Variants in FAF1 observed in about 807,000 individuals in gnomAD.
The protein encoded by FAF1 is FAS-associated factor 1.
In FAF1, 25 loss-of-function variants were observed where a neutral mutation model predicts 92.5. That is an observed-to-expected ratio of 0.27 (90% CI 0.20 to 0.38). FAF1 has a LOEUF of 0.38. FAF1 is among the 10% of genes least tolerant of loss of function. The pLI, the probability that FAF1 is intolerant of heterozygous loss-of-function variation, is 1.00. For missense variants in FAF1, 636 were observed against 793.3 expected, an observed-to-expected ratio of 0.80 and a Z score of 2.38; for synonymous variants, 234 against 273.2, an observed-to-expected ratio of 0.86 and a Z score of 1.42.
chr1:50,872,736 A>G (rs1002338609), intron 1 of FAF1, among the ~76,000 whole-genome samples: 1 of 152,008 alleles, frequency 6.6e-6, no homozygotes, highest in African/African-American at 2.4e-5. Context: ...ATCTCTACTA[A>G]AAATACAAAA....
intron 8 of FAF1, among the ~76,000 whole-genome samples, chr1:50,614,179 A>G (rs764476722): frequency 1.3e-5 from 2 of 152,154 alleles, no homozygotes; most frequent in Admixed American, 6.5e-5. Context: ...TTTCAAAAAT[A>G]TTTTGGCACA....
intron 15 of FAF1, 21 bp downstream of exon 15, chr1:50,535,348 T>C (rs748274334): frequency 2.0e-6 from 3 of 1,496,810 alleles, no homozygotes; most frequent in Non-Finnish European, 2.8e-6. Flanking sequence ...AAAATCCTAT[T>C]AAAGATCTGC....
At chr1:50,561,415 A>G (rs1302207817) in intron 13 of FAF1, among the ~76,000 whole-genome samples, 2 of 152,208 alleles carry the variant, frequency 1.3e-5, no homozygotes, top group African/African-American at 4.8e-5. Context: ...AGATCACACA[A>G]TTAGAGGAAT....
At position 50,540,223 on chromosome 1, in the gene FAF1, C is replaced by T. The variant is rs187378655; in HGVS notation, c.1269-495G>A. Among the ~76,000 whole-genome samples, 402 of 152,204 alleles carry T rather than the reference C, an allele frequency of 2.6e-3. 2 individuals are homozygous for T. Among genetic ancestry groups the T allele is most frequent in the Middle Eastern group, 0.017 (5 of 294 alleles). On this transcript the variant is annotated intron_variant, in intron 13 of 18. Coordinates refer to ENST00000396153, the MANE Select transcript of FAF1 (RefSeq NM_007051.3). ...TCCTGACCTTGTGATCCACCTGCCT[C>T]GGCCTCCCAAAGTGCTGGGATTAGA...
intron 18 of FAF1, among the ~76,000 whole-genome samples, chr1:50,453,183 A>G (rs1489043562): frequency 6.6e-6 from 1 of 152,248 alleles, no homozygotes; most frequent in Non-Finnish European, 1.5e-5. Context: ...ATACCTTATT[A>G]GGTTATCATT....
intron 17 of FAF1, among the ~76,000 whole-genome samples, chr1:50,480,788 C>T (rs556928454): frequency 6.4e-4 from 98 of 152,290 alleles, no homozygotes; most frequent in Middle Eastern, 6.8e-3. Context: ...ACTCCTTCTA[C>T]GTATTTTTTA....
chr1:50,957,949 T>C (rs1405165395), intron 1 of FAF1, among the ~76,000 whole-genome samples: 1 of 152,070 alleles, frequency 6.6e-6, no homozygotes, highest in Non-Finnish European at 1.5e-5. Flanking sequence ...CATTCCACAT[T>C]AGATAAAAAA....
In FAF1 at chr1:50,574,896, C is replaced by CTGTTTTTTTTTTTTTTTT. The variant is rs1558000811; in HGVS notation, c.1114-7666_1114-7665insAAAAAAAAAAAAAAAACA. ...GTTTAAGCATATAGAGTTGTATTAA[C>CTGTTTTTTTTTTTTTTTT]TCTTTTTTTTTTTTTTTTTTTTTTT... is the stretch of plus-strand genomic sequence containing the variant. On this transcript the variant is annotated intron_variant, in intron 12 of 18. Coordinates refer to ENST00000396153, the MANE Select transcript of FAF1 (RefSeq NM_007051.3). 3.8e-4 allele frequency among the ~76,000 whole-genome samples: 47 copies of CTGTTTTTTTTTTTTTTTT among 122,908 alleles called. 1 individual carries two copies. The highest frequency in any genetic ancestry group is 1.5e-3 in the African/African-American group (45 of 30,798). 80.6% of individuals were successfully genotyped at this position (122,908 alleles called of 152,430 possible). A position where few individuals can be genotyped will look rare whatever the true frequency, so the allele number is the denominator to read the frequency against.
chr1:50,805,989 G>C (rs1025817218), intron 2 of FAF1, among the ~76,000 whole-genome samples: 5 of 151,844 alleles, frequency 3.3e-5, no homozygotes, highest in Non-Finnish European at 7.4e-5. Context: ...ACAATGGGTA[G>C]GCAAATGATG....
chr1:50,813,511 A>T (rs1158736424), intron 2 of FAF1, among the ~76,000 whole-genome samples: 1 of 151,976 alleles, frequency 6.6e-6, no homozygotes, highest in Non-Finnish European at 1.5e-5. Context: ...CCCATGTTGG[A>T]GTGTAGTGGC....
At chr1:50,654,828 A>T (rs888441648) in intron 8 of FAF1, among the ~76,000 whole-genome samples, 10 of 152,186 alleles carry the variant, frequency 6.6e-5, no homozygotes, top group African/African-American at 2.4e-4. Context: ...TCAAAGTCAA[A>T]TCCAGCAGCA....
chr1:50,806,402 T>C (rs1442485361), intron 2 of FAF1, among the ~76,000 whole-genome samples: 1 of 152,182 alleles, frequency 6.6e-6, no homozygotes, highest in East Asian at 1.9e-4. Context: ...TCATACACTG[T>C]ACAAACAACT....
chr1:50,581,335 T>A (rs1373659370), intron 12 of FAF1, among the ~76,000 whole-genome samples: 2 of 152,212 alleles, frequency 1.3e-5, no homozygotes, highest in Non-Finnish European at 2.9e-5. Context: ...TGAATTTTTC[T>A]TTGTATCAGA....
At chr1:50,739,242 ATG>A (rs961378472) in intron 5 of FAF1, among the ~76,000 whole-genome samples, 4 of 151,638 alleles carry the variant, frequency 2.6e-5, no homozygotes, top group Admixed American at 6.6e-5. Flanking sequence ...ATACATATAT[ATG>A]TGTGTCTATA....
intron 13 of FAF1, among the ~76,000 whole-genome samples, chr1:50,554,567 T>C (rs1392323976): frequency 3.9e-5 from 6 of 152,154 alleles, no homozygotes; most frequent in African/African-American, 1.2e-4. Flanking sequence ...TTAACAGATA[T>C]TCCTTGTTAC....
chr1:50,847,879 GCACACATATACA>G (rs550875812), intron 2 of FAF1, among the ~76,000 whole-genome samples: 145 of 151,146 alleles, frequency 9.6e-4, no homozygotes, highest in African/African-American at 3.4e-3. Flanking sequence ...ACAAACAAAT[GCACACATATACA>G]CACACACACA....
chr1:50,757,892 A>G (rs972912209), intron 4 of FAF1, among the ~76,000 whole-genome samples: 2 of 151,360 alleles, frequency 1.3e-5, no homozygotes. Flanking sequence ...ATGTGTATTC[A>G]CGGTTTCAGT....
chr1:50,919,294 T>C (rs985219961), intron 1 of FAF1, among the ~76,000 whole-genome samples: 4 of 150,804 alleles, frequency 2.7e-5, no homozygotes, highest in Admixed American at 2.6e-4. Context: ...TGGAGGGAAA[T>C]GATACTAGAT....
At chr1:50,806,734 A>G (rs1662220689) in intron 2 of FAF1, among the ~76,000 whole-genome samples, 1 of 152,224 alleles carries the variant, frequency 6.6e-6, no homozygotes, top group South Asian at 2.1e-4. Flanking sequence ...AGGCCCCTAA[A>G]GTGAGAGCAT....
Sources: gnomAD v4.1 joint callset for allele counts (sites outside exome capture counted in the v4.1 genomes callset) on GRCh38, gnomAD v4.1.1 for gene constraint, MANE v1.5 for transcripts, NCBI Gene and HGNC (gene_info 2026-07-23, HGNC 2026-07-21) for gene names.